DGKI: variants seen among roughly 807,000 people sequenced by gnomAD.
DGKI encodes the protein diacylglycerol kinase iota.
In DGKI, 55 loss-of-function variants were observed where a neutral mutation model predicts 147.5. That is an observed-to-expected ratio of 0.37 (90% CI 0.30 to 0.47). The LOEUF (loss-of-function observed/expected upper bound fraction) is 0.47. Among genes scored for constraint, DGKI ranks in the 20% least tolerant of loss-of-function variants. DGKI has a pLI of 1.00. For missense variants in DGKI, 1,007 were observed against 1,323.8 expected, an observed-to-expected ratio of 0.76 and a Z score of 3.71; for synonymous variants, 469 against 477.1, an observed-to-expected ratio of 0.98 and a Z score of 0.22.
At chr7:137,603,782 CAAA>C (rs1820078405) in intron 10 of DGKI, among the ~76,000 whole-genome samples, 1 of 152,168 alleles carries the variant, frequency 6.6e-6, no homozygotes, top group Admixed American at 6.5e-5. Flanking sequence ...GGTAAAGGCA[CAAA>C]AGGTGTGAAA....
At chr7:137,454,152 T>C (rs1199176714) in intron 27 of DGKI, among the ~76,000 whole-genome samples, 11 of 152,194 alleles carry the variant, frequency 7.2e-5, no homozygotes, top group Non-Finnish European at 1.6e-4. Context: ...CAAAAATAAC[T>C]GTGTGATGTA....
chr7:137,498,009 T>C (rs948202391), intron 21 of DGKI, among the ~76,000 whole-genome samples: 2 of 152,038 alleles, frequency 1.3e-5, no homozygotes, highest in African/African-American at 2.4e-5. Flanking sequence ...ACTTTAAACA[T>C]GATATCTTTA....
chr7:137,706,772 C>A (rs986929395), intron 1 of DGKI, among the ~76,000 whole-genome samples: 24 of 151,954 alleles, frequency 1.6e-4, no homozygotes, highest in African/African-American at 5.8e-4. Context: ...CGGGGTTTCA[C>A]CATGTTAGCC....
intron 1 of DGKI, among the ~76,000 whole-genome samples, chr7:137,714,493 T>C (rs1442910964): frequency 6.6e-6 from 1 of 152,134 alleles, no homozygotes; most frequent in Non-Finnish European, 1.5e-5. Flanking sequence ...GAAAGAGATA[T>C]GGAAGTGGAG....
At chr7:137,397,330 GT>G (rs1224990136) in intron 31 of DGKI, 46 bp downstream of exon 31, 2 of 1,552,746 alleles carry the variant, frequency 1.3e-6, no homozygotes, top group South Asian at 2.3e-5. Context: ...TCCCAGATAT[GT>G]TCTGAAGAAA....
intron 19 of DGKI, among the ~76,000 whole-genome samples, chr7:137,557,012 G>A (rs1004633119): frequency 1.4e-5 from 2 of 147,110 alleles, no homozygotes; most frequent in Non-Finnish European, 2.9e-5. Context: ...CCCAGAACAG[G>A]AAGAATTTGA....
intron 3 of DGKI, among the ~76,000 whole-genome samples, chr7:137,659,893 A>T (rs1416575203): frequency 6.6e-6 from 1 of 152,210 alleles, no homozygotes; most frequent in Admixed American, 6.5e-5. Context: ...AGATCGCGCC[A>T]CTGCACTCCA....
chr7:137,535,295 T>A (rs959955267), intron 20 of DGKI, among the ~76,000 whole-genome samples: 2 of 152,158 alleles, frequency 1.3e-5, no homozygotes, highest in Non-Finnish European at 2.9e-5. Context: ...CTTGGGAATC[T>A]CTGCCAATTT....
intron 1 of DGKI, among the ~76,000 whole-genome samples, chr7:137,772,557 A>G (rs1441997279): frequency 6.6e-6 from 1 of 152,208 alleles, no homozygotes; most frequent in African/African-American, 2.4e-5. Context: ...CTAAGCCCCC[A>G]GATCTGTTCC....
chr7:137,514,216 TC>T (rs1321452271), intron 21 of DGKI, among the ~76,000 whole-genome samples: 1 of 152,048 alleles, frequency 6.6e-6, no homozygotes, highest in East Asian at 1.9e-4. Flanking sequence ...AATCACCTCT[TC>T]CGCGGTTTTA....
chr7:137,774,293 C>A (rs6467718), intron 1 of DGKI, among the ~76,000 whole-genome samples: 152,264 of 152,264 alleles, frequency 1, 76,132 homozygotes, highest in Non-Finnish European at 1. Flanking sequence ...CCTATTTTCC[C>A]AACTGTTTTA....
chr7:137,514,835 C>T (rs375165884), intron 21 of DGKI, among the ~76,000 whole-genome samples: 1 of 152,186 alleles, frequency 6.6e-6, no homozygotes, highest in Non-Finnish European at 1.5e-5. Context: ...ACCTGCTGCC[C>T]TATTTCCATC....
chr7:137,777,719 C>T (rs1796402829), intron 1 of DGKI, among the ~76,000 whole-genome samples: 1 of 152,198 alleles, frequency 6.6e-6, no homozygotes. Context: ...TATTTATATA[C>T]ATAGATTTTT....
At chr7:137,698,115 T>C (rs1820280) in intron 1 of DGKI, among the ~76,000 whole-genome samples, 1 of 123,396 alleles carries the variant, frequency 8.1e-6, no homozygotes, top group East Asian at 1.9e-4. Flanking sequence ...ACTCCAGATA[T>C]ATATAGATAT....
At chr7:137,573,594 G>A (rs188665004) in intron 17 of DGKI, among the ~76,000 whole-genome samples, 100 of 152,246 alleles carry the variant, frequency 6.6e-4, no homozygotes, top group African/African-American at 2.2e-3. Context: ...TAGTAGAGAC[G>A]GGGTTTCACC....
At chr7:137,616,225 C>T (rs921286973) in intron 8 of DGKI, among the ~76,000 whole-genome samples, 2 of 152,048 alleles carry the variant, frequency 1.3e-5, no homozygotes, top group African/African-American at 4.8e-5. Flanking sequence ...CTTCTCTGTG[C>T]CTCACAATCC....
intron 23 of DGKI, among the ~76,000 whole-genome samples, chr7:137,472,226 T>C (rs1246910629): frequency 1.8e-5 from 2 of 110,076 alleles, no homozygotes; most frequent in East Asian, 2.6e-4. Flanking sequence ...TATGTATATA[T>C]ACATATAATA....
chr7:137,601,082 G>A (rs939990691), intron 10 of DGKI, among the ~76,000 whole-genome samples: 8 of 151,160 alleles, frequency 5.3e-5, no homozygotes, highest in African/African-American at 1.2e-4. Flanking sequence ...CCATCCTGGC[G>A]AACACAGTGA....
chr7:137,400,016 G>A (rs1367564276), intron 30 of DGKI, among the ~76,000 whole-genome samples: 2 of 152,164 alleles, frequency 1.3e-5, no homozygotes, highest in African/African-American at 4.8e-5. Flanking sequence ...AGCATGAAGT[G>A]TCCTATTCTC....
Sources: gnomAD v4.1 joint callset for allele counts (sites outside exome capture counted in the v4.1 genomes callset) on GRCh38, gnomAD v4.1.1 for gene constraint, MANE v1.5 for transcripts, NCBI Gene and HGNC (gene_info 2026-07-23, HGNC 2026-07-21) for gene names.